The following DBH variants were observed in gnomAD, a reference collection of about 807,000 sequenced individuals.
DBH encodes dopamine beta-hydroxylase (dopamine beta-monooxygenase).
In DBH, 49 loss-of-function variants were observed where a neutral mutation model predicts 64.0. The observed-to-expected ratio is 0.77, with a 90% CI of 0.61 to 0.97. The LOEUF (loss-of-function observed/expected upper bound fraction) is 0.97. DBH is among the 50% of genes least tolerant of loss of function. DBH has a pLI of 0.00. For missense variants in DBH, 828 were observed against 826.6 expected (o/e 1.00, Z -0.02); for synonymous variants, 343 against 347.1 (o/e 0.99, Z 0.13).
chr9:133,639,784 TC>T (rs35043556), intron 1 of DBH, 61 bp from the exon 2 acceptor site: 3 of 1,558,616 alleles, frequency 1.9e-6, no homozygotes, highest in African/African-American at 1.3e-5. Flanking sequence ...AATGCCCTCT[TC>T]CCCTGTGGAT....
rs758168603 is a variant in DBH, at chr9:133,656,503, G to A, written c.1435-20G>A. 37 of 1,613,390 alleles carry A rather than the reference G, an allele frequency of 2.3e-5. No individual in the cohort carries two copies. The highest frequency in any genetic ancestry group is 4.5e-5 in the East Asian group (2 of 44,892). On this transcript the variant is annotated intron_variant, in intron 9 of 11. Transcript: ENST00000393056. Reference sequence around the variant, plus strand: ...CTGCGTGGCATGGCCCGGGGCTGACGGGTCTCCTCCAACTTGCAGGGGGGC... The same window carrying A: ...CTGCGTGGCATGGCCCGGGGCTGACAGGTCTCCTCCAACTTGCAGGGGGGC...
At chr9:133,650,484 TTC>T (rs1832234302) in intron 6 of DBH, among the ~76,000 whole-genome samples, 1 of 147,686 alleles carries the variant, frequency 6.8e-6, no homozygotes, top group African/African-American at 2.6e-5. Flanking sequence ...CTTTTTCTTT[TTC>T]TTTCTTTTCT....
intron 5 of DBH, among the ~76,000 whole-genome samples, 194 bp downstream of exon 5, chr9:133,644,514 G>T (rs897886213): frequency 1.5e-4 from 23 of 152,342 alleles, no homozygotes; most frequent in African/African-American, 5.3e-4. Flanking sequence ...ACAGGACCTC[G>T]AGGGGCTCAC....
intron 1 of DBH, among the ~76,000 whole-genome samples, chr9:133,639,629 G>C (rs138859254): frequency 6.6e-6 from 1 of 152,184 alleles, no homozygotes; most frequent in Admixed American, 6.5e-5. Context: ...CTCCACTGTC[G>C]GGGCTCATCT....
At chr9:133,649,242 A>T (rs545780417) in intron 6 of DBH, among the ~76,000 whole-genome samples, 2 of 151,778 alleles carry the variant, frequency 1.3e-5, no homozygotes, top group South Asian at 4.2e-4. Flanking sequence ...GGTTTCTAGG[A>T]GTTCTTCTTA....
Position 133,658,449 on chromosome 9 carries a change from G to T in DBH, c.*2G>T, listed in dbSNP as rs1428974714. The T allele has an allele frequency of 1.0e-5, 16 of 1,605,098 alleles. No homozygotes were observed. The highest frequency in any genetic ancestry group is 1.3e-5 in the African/African-American group (1 of 74,664). ...AGCATTGGTGGGGGCAAAGGCTGAG[G>T]GGGGACCTACTCCTCCCCCTCCTCC... On this transcript the variant is annotated 3_prime_UTR_variant, in exon 12 of 12. Coordinates refer to ENST00000393056, the MANE Select transcript of DBH (RefSeq NM_000787.4).
chr9:133,654,116 A>ATAT (rs1554736475), intron 9 of DBH, among the ~76,000 whole-genome samples: 1 of 151,316 alleles, frequency 6.6e-6, no homozygotes, highest in African/African-American at 2.4e-5. Flanking sequence ...ATTTTATTTT[A>ATAT]TATTTTATTT....
At chr9:133,644,508 G>A (rs888295064) in intron 5 of DBH, among the ~76,000 whole-genome samples, 188 bp downstream of exon 5, 2 of 152,242 alleles carry the variant, frequency 1.3e-5, no homozygotes, top group African/African-American at 4.8e-5. Flanking sequence ...CCAGGGACAG[G>A]ACCTCGAGGG....
chr9:133,642,190 C>G lies in DBH; in HGVS notation c.487-17C>G. 3 of 1,612,254 alleles carry G rather than the reference C, an allele frequency of 1.9e-6. No individual in the cohort carries two copies. Among genetic ancestry groups the G allele is most frequent in the Non-Finnish European group, 2.5e-6 (3 of 1,179,980 alleles). ...GGCTCTGAGAGGGCGACCAGCTGAA[C>G]CCTGTCTCGGCTGCAGGACGGCACT... On this transcript the variant is annotated splice_polypyrimidine_tract_variant and intron_variant, in intron 2 of 11. Coordinates refer to ENST00000393056, the MANE Select transcript of DBH (RefSeq NM_000787.4).
chr9:133,643,141 G>C lies in DBH; in HGVS notation c.745-272G>C, dbSNP rs1014647962. Among the ~76,000 whole-genome samples, 1 of 152,040 alleles carries C rather than the reference G, an allele frequency of 6.6e-6. No individual in the cohort carries two copies. Among genetic ancestry groups the C allele is most frequent in the Admixed American group, 6.5e-5 (1 of 15,276 alleles). On this transcript the variant is annotated intron_variant, in intron 3 of 11. Transcript: ENST00000393056. The surrounding 1 kb of genome is among the most constrained non-coding windows in gnomAD (Gnocchi z 5.3). The stretch of plus-strand genomic sequence containing the variant: ...CCACTGGGGCTGCAGGAGCTGGCCC[G>C]GCCACAGCCCCATATGCATGAGGAC...
At chr9:133,650,475 T>C (rs1366444234) in intron 6 of DBH, among the ~76,000 whole-genome samples, 1 of 132,062 alleles carries the variant, frequency 7.6e-6, no homozygotes, top group African/African-American at 3.7e-5. Context: ...TTTTTCTTTC[T>C]TTTTCTTTTT....
chr9:133,643,717 C>T lies in DBH; in HGVS notation c.921+128C>T. On this transcript the variant is annotated intron_variant, in intron 4 of 11. Transcript: ENST00000393056. This position sits in a 1 kb window ranked among gnomAD's most constrained non-coding sequence, Gnocchi z 5.3. ...GCTCCCAAGGGGGCTCACGAGGCCA[C>T]CAGAAGGGCCAGGCCTGAGGTGGCC... The T allele has an allele frequency of 1.9e-6, 2 of 1,027,600 alleles. No homozygotes were observed. The highest frequency in any genetic ancestry group is 2.9e-6 in the Non-Finnish European group (2 of 699,738). 63.7% of individuals were successfully genotyped at this position (1,027,600 alleles called of 1,614,324 possible). A position where few individuals can be genotyped will look rare whatever the true frequency, so the allele number is the denominator to read the frequency against.
chr9:133,649,243 GTTC>G (rs1832217488), intron 6 of DBH, among the ~76,000 whole-genome samples: 2 of 152,142 alleles, frequency 1.3e-5, no homozygotes, highest in Non-Finnish European at 2.9e-5. Context: ...GTTTCTAGGA[GTTC>G]TTCTTATATG....
rs375098614 is a variant in DBH at position 133,644,939 on chromosome 9, C to T, written c.1024+619C>T. On this transcript the variant is annotated intron_variant, in intron 5 of 11. Coordinates refer to ENST00000393056, the MANE Select transcript of DBH (RefSeq NM_000787.4). ...TTCACCATATATAGACACACACGCA[C>T]ACAATGCACACACACACGCACACAC... 3.6e-5 allele frequency among the ~76,000 whole-genome samples: 5 copies of T among 139,706 alleles called. No individual in the cohort carries two copies. In the East Asian group the frequency reaches 5.8e-4, roughly 16 times the overall value. 91.7% of individuals were successfully genotyped at this position (139,706 alleles called of 152,430 possible).
At chr9:133,658,185 AGAGT>A (rs1471386237) in intron 11 of DBH, 127 bp from the exon 12 acceptor site, 2 of 1,242,180 alleles carry the variant, frequency 1.6e-6, no homozygotes, top group South Asian at 1.3e-5. Context: ...TTGGGGGAGC[AGAGT>A]GAGTTCAGTT....
chr9:133,645,969 G>A (rs1832176442), intron 5 of DBH, among the ~76,000 whole-genome samples: 1 of 152,134 alleles, frequency 6.6e-6, no homozygotes, highest in Non-Finnish European at 1.5e-5. Flanking sequence ...CACCCTCTTG[G>A]TTTGATCAGA....
intron 6 of DBH, 124 bp downstream of exon 6, chr9:133,648,136 C>G (rs1832205563): frequency 8.8e-7 from 1 of 1,137,914 alleles, no homozygotes; most frequent in South Asian, 1.3e-5. Context: ...CCTGAATCCC[C>G]CTGCGGTCCT....
chr9:133,646,721 G>A (rs1832186259), intron 5 of DBH, among the ~76,000 whole-genome samples: 1 of 151,792 alleles, frequency 6.6e-6, no homozygotes, highest in African/African-American at 2.4e-5. Flanking sequence ...ACAGGGTTTC[G>A]CCATGTTGGT....
chr9:133,657,671 G>C (rs1203994787), intron 11 of DBH, among the ~76,000 whole-genome samples: 3 of 151,430 alleles, frequency 2.0e-5, no homozygotes, highest in Admixed American at 1.3e-4. Flanking sequence ...GGGAAGGTAA[G>C]AAACGAACCA....
Sources: gnomAD v4.1 joint callset for allele counts (sites outside exome capture counted in the v4.1 genomes callset) on GRCh38, gnomAD v4.1.1 for gene constraint, Gnocchi (gnomAD v3.1) non-coding constraint, MANE v1.5 for transcripts, NCBI Gene and HGNC (gene_info 2026-07-23, HGNC 2026-07-21) for gene names.